IL33: variants seen among roughly 807,000 people sequenced by gnomAD.
IL33 encodes the protein interleukin-33.
A neutral mutation model predicts 27.3 loss-of-function variants in IL33; 37 were observed. That is an observed-to-expected ratio of 1.36 (90% CI 1.04 to 1.78). IL33 has a LOEUF of 1.78. Among genes scored for constraint, IL33 ranks in the 40% most tolerant of loss-of-function variants. The pLI, the probability that IL33 is intolerant of heterozygous loss-of-function variation, is 0.00. For synonymous variants in IL33, 132 were observed against 102.9 expected (o/e 1.28, Z -1.71); for missense variants, 406 against 311.4 (o/e 1.30, Z -2.29).
At chr9:6,241,886 CT>C (rs1819548854) in intron 2 of IL33, 101 bp downstream of exon 2, 1 of 781,782 alleles carries the variant, frequency 1.3e-6, no homozygotes, top group Non-Finnish European at 2.0e-6. Flanking sequence ...TCAAAATCTA[CT>C]AAGAATACAA....
intron 1 of IL33, among the ~76,000 whole-genome samples, chr9:6,230,320 C>A (rs994117227): frequency 2.0e-5 from 3 of 152,042 alleles, no homozygotes; most frequent in Admixed American, 2.0e-4. Context: ...ATTTCCTTTC[C>A]CTAGGAGAAG....
chr9:6,218,244 T>C (rs1818233907), intron 1 of IL33, among the ~76,000 whole-genome samples: 2 of 152,296 alleles, frequency 1.3e-5, no homozygotes, highest in South Asian at 4.2e-4. Flanking sequence ...ACTTCATAAT[T>C]GATTTCTTAA....
chr9:6,242,298 C>T (rs1053520690), intron 2 of IL33: 2 of 152,152 alleles, frequency 1.3e-5, no homozygotes, highest in Non-Finnish European at 2.9e-5. Flanking sequence ...ATACCTGAAG[C>T]TGGGTAATTT....
intron 1 of IL33, among the ~76,000 whole-genome samples, chr9:6,238,526 GA>G (rs1439371044): frequency 1.3e-5 from 2 of 152,146 alleles, no homozygotes; most frequent in Non-Finnish European, 2.9e-5. Flanking sequence ...AGATCATCTG[GA>G]GTTTCAGCCT....
chr9:6,248,481 C>G (rs1163509136), intron 2 of IL33, among the ~76,000 whole-genome samples: 2 of 152,140 alleles, frequency 1.3e-5, no homozygotes, highest in Non-Finnish European at 2.9e-5. Context: ...GACTTACTCA[C>G]TGCTGCCTTC....
chr9:6,218,298 A>G (rs1456338906), intron 1 of IL33, among the ~76,000 whole-genome samples: 1 of 152,120 alleles, frequency 6.6e-6, no homozygotes, highest in East Asian at 1.9e-4. Flanking sequence ...TTTAGCTTAC[A>G]GTATCTACAG....
intron 2 of IL33, among the ~76,000 whole-genome samples, chr9:6,247,344 G>A (rs1287297303): frequency 1.3e-5 from 2 of 152,190 alleles, no homozygotes; most frequent in African/African-American, 4.8e-5. Flanking sequence ...GTGGTCCTGA[G>A]AGTCCAATGC....
chr9:6,248,382 T>C (rs954525827), intron 2 of IL33, among the ~76,000 whole-genome samples: 1 of 151,128 alleles, frequency 6.6e-6, no homozygotes, highest in East Asian at 2.0e-4. Context: ...TCCACCATCA[T>C]AAACAGATTA....
chr9:6,247,509 G>A (rs562823155), intron 2 of IL33, among the ~76,000 whole-genome samples: 1 of 152,062 alleles, frequency 6.6e-6, no homozygotes, highest in Non-Finnish European at 1.5e-5. Context: ...GATTTCCAGG[G>A]CCCTTCCTAT....
chr9:6,254,677 G>T (rs1285048972), intron 7 of IL33, 124 bp downstream of exon 7: 3 of 461,908 alleles, frequency 6.5e-6, no homozygotes, highest in African/African-American at 5.9e-5. Context: ...GTGTGCTATT[G>T]TATATAAAGC....
Position 6,256,397 on chromosome 9 carries a change from G to A in IL33, c.*229G>A, listed in dbSNP as rs1816734113. On this transcript the variant is annotated 3_prime_UTR_variant, in exon 8 of 8. Coordinates refer to ENST00000682010, the MANE Select transcript of IL33 (RefSeq NM_033439.4). ...ATACAAGTATCAGTATATTAAATAG[G>A]GTATTGGTAAAGAAACGGTCAACAT... 2 of 523,774 alleles carry A rather than the reference G, an allele frequency of 3.8e-6. No individual in the cohort carries two copies. Among genetic ancestry groups the A allele is most frequent in the South Asian group, 3.4e-5 (1 of 29,188 alleles). 32.4% of individuals were successfully genotyped at this position (523,774 alleles called of 1,614,324 possible).
At chr9:6,241,876 T>A in intron 2 of IL33, 91 bp downstream of exon 2, 1 of 820,858 alleles carries the variant, frequency 1.2e-6, no homozygotes, top group Non-Finnish European at 1.9e-6. Flanking sequence ...TGCTATCTTA[T>A]CAAAATCTAC....
intron 4 of IL33, among the ~76,000 whole-genome samples, chr9:6,251,484 A>G (rs1028044696): frequency 6.6e-6 from 1 of 152,124 alleles, no homozygotes; most frequent in Non-Finnish European, 1.5e-5. Context: ...GCACTCCATC[A>G]TTATTTTGAA....
At chr9:6,244,151 A>G (rs1358871761) in intron 2 of IL33, among the ~76,000 whole-genome samples, 3 of 152,210 alleles carry the variant, frequency 2.0e-5, no homozygotes, top group East Asian at 1.9e-4. Flanking sequence ...TGGTATTGAT[A>G]CAAAAGTTAA....
chr9:6,227,364 T>A (rs1818685540), intron 1 of IL33, among the ~76,000 whole-genome samples: 1 of 152,222 alleles, frequency 6.6e-6, no homozygotes, highest in Non-Finnish European at 1.5e-5. Flanking sequence ...CTCCCATTCA[T>A]GCCCCCTCAA....
intron 2 of IL33, among the ~76,000 whole-genome samples, chr9:6,243,256 A>G (rs541278069): frequency 2.0e-5 from 3 of 152,228 alleles, no homozygotes; most frequent in Non-Finnish European, 4.4e-5. Flanking sequence ...ACAGAAGGTA[A>G]GTAAAGTCAG....
chr9:6,253,760 C>T (rs894752261), intron 6 of IL33, among the ~76,000 whole-genome samples, 158 bp downstream of exon 6: 1 of 152,174 alleles, frequency 6.6e-6, no homozygotes, highest in Admixed American at 6.5e-5. Context: ...TCAGAGGATG[C>T]ATTCTCATCC....
At position 6,254,554 on chromosome 9, in the gene IL33, G is replaced by GT. The variant is rs1267961071; in HGVS notation, c.612+2dup. On this transcript the variant is annotated splice_donor_variant, in intron 7 of 7. Transcript: ENST00000682010. LOFTEE classifies it high-confidence loss of function. ...CAACAACAAGGAACACTCTGTGGAG[G>GT]TAAAAAAAAAAAATTTATCTATATC... The GT allele has an allele frequency of 9.1e-6, 14 of 1,537,806 alleles. No homozygotes were observed. The African/African-American group carries it at 1.4e-4, about 16-fold the overall frequency.
chr9:6,223,306 G>C (rs551198750), intron 1 of IL33, among the ~76,000 whole-genome samples: 9 of 151,640 alleles, frequency 5.9e-5, no homozygotes, highest in Non-Finnish European at 1.3e-4. Flanking sequence ...GTAAATGAAC[G>C]TAACTGATGT....
Sources: gnomAD v4.1 joint callset for allele counts (sites outside exome capture counted in the v4.1 genomes callset) on GRCh38, gnomAD v4.1.1 for gene constraint, MANE v1.5 for transcripts, NCBI Gene and HGNC (gene_info 2026-07-23, HGNC 2026-07-21) for gene names.